The following ADCY9 variants were observed in gnomAD, a reference collection of about 807,000 sequenced individuals.
ADCY9 encodes the protein adenylate cyclase 9, also known as adenylate cyclase type 9.
A neutral mutation model predicts 101.5 loss-of-function variants in ADCY9; 50 were observed. The observed-to-expected ratio is 0.49, with a 90% CI of 0.39 to 0.62. The LOEUF is 0.62. Among genes scored for constraint, ADCY9 ranks in the 20% least tolerant of loss-of-function variants. ADCY9 has a pLI of 0.00. For missense variants in ADCY9, 1,662 were observed against 1,800.4 expected, an observed-to-expected ratio of 0.92 and a Z score of 1.39; for synonymous variants, 905 against 769.3, an observed-to-expected ratio of 1.18 and a Z score of -2.92.
At chr16:4,050,850 G>C (rs573973709) in intron 2 of ADCY9, among the ~76,000 whole-genome samples, 3 of 152,120 alleles carry the variant, frequency 2.0e-5, no homozygotes, top group Non-Finnish European at 4.4e-5. Context: ...AAAGGAACCA[G>C]GGCTTATTGG....
At chr16:3,954,615 G>A (rs553857243) in intron 5 of ADCY9, among the ~76,000 whole-genome samples, 1 of 152,322 alleles carries the variant, frequency 6.6e-6, no homozygotes, top group South Asian at 2.1e-4. Context: ...CGGAACACGA[G>A]GTTCACCAAG....
intron 2 of ADCY9, among the ~76,000 whole-genome samples, chr16:4,086,401 A>C (rs893571363): frequency 1.3e-5 from 2 of 152,052 alleles, no homozygotes; most frequent in Admixed American, 6.6e-5. Context: ...TGTCAGCCAC[A>C]CATCACCCAG....
At position 4,116,132 on chromosome 16, in the gene ADCY9, C is replaced by G. The variant is rs981000001; in HGVS notation, c.-486G>C. On this transcript the variant is annotated 5_prime_UTR_variant, in exon 1 of 11. Coordinates refer to ENST00000294016, the MANE Select transcript of ADCY9 (RefSeq NM_001116.4). ...GTGCGCGGAGCCCGTCGGCGCGGCCCGTCTAGTGGGGCCTGCTTCCCCCCG... is the reference window on the plus strand; with the variant it reads ...GTGCGCGGAGCCCGTCGGCGCGGCCGGTCTAGTGGGGCCTGCTTCCCCCCG... The G allele has an allele frequency of 1.4e-5, 2 of 146,072 alleles. No homozygotes were observed. The highest frequency in any genetic ancestry group is 2.1e-4 in the South Asian group (1 of 4,812). 9.0% of individuals were successfully genotyped at this position (146,072 alleles called of 1,614,324 possible).
At chr16:4,097,553 A>ATATATTTTTT (rs1382458827) in intron 2 of ADCY9, among the ~76,000 whole-genome samples, 664 of 53,380 alleles carry the variant, frequency 0.012, 15 homozygotes, top group Non-Finnish European at 0.015. Context: ...ATATATATAT[A>ATATATTTTTT]TTTTTTTTTT....
chr16:3,992,263 T>C lies in ADCY9; in HGVS notation c.2090A>G (p.Gln697Arg), dbSNP rs1347782959. The C allele has an allele frequency of 6.2e-7, 1 of 1,614,048 alleles. No homozygotes were observed. The highest frequency in any genetic ancestry group is 1.3e-5 in the African/African-American group (1 of 74,904). ...NSQTSLCEIL[Q>R]EKGRWAGVSL... ...CACCCCTGCCCACCTTCCCTTCTCC[T>C]GCAAGATCTCACACAGAGAAGTCTG... Residue 697 changes from glutamine (Q) to arginine (R), a missense_variant, in exon 5 of 11, where the codon CAG (glutamine) becomes CGG (arginine). By Grantham distance (43) the Gln-to-Arg change is conservative. Transcript: ENST00000294016. This position sits in a 1 kb window ranked among gnomAD's most constrained non-coding sequence, Gnocchi z 4.2.
intron 2 of ADCY9, among the ~76,000 whole-genome samples, chr16:4,035,182 C>T (rs1191728071): frequency 6.6e-6 from 1 of 152,186 alleles, no homozygotes; most frequent in Non-Finnish European, 1.5e-5. Context: ...TTTGGGTTGA[C>T]TATTTTGGTA....
intron 2 of ADCY9, among the ~76,000 whole-genome samples, chr16:4,104,550 T>C (rs12448223): frequency 0.45 from 67,764 of 151,886 alleles, 16,530 homozygotes; most frequent in East Asian, 0.83. Flanking sequence ...AGGTCAAGGC[T>C]GGAGTGAGCT....
At chr16:4,030,736 C>T (rs766386596) in intron 2 of ADCY9, among the ~76,000 whole-genome samples, 4 of 151,932 alleles carry the variant, frequency 2.6e-5, no homozygotes, top group Non-Finnish European at 5.9e-5. Context: ...CTGCAGGTTC[C>T]ATTTGTACGA....
Position 3,963,577 on chromosome 16 carries a change from C to T in ADCY9, c.*2198G>A, listed in dbSNP as rs942648002. 8 of 371,306 alleles carry T rather than the reference C, an allele frequency of 2.2e-5. No homozygotes were observed. Among genetic ancestry groups the T allele is most frequent in the Middle Eastern group, 1.4e-3 (2 of 1,468 alleles). The allele number at this position is 371,306 out of a possible 1,614,324, so 23.0% of individuals were successfully genotyped here. The stretch of plus-strand genomic sequence containing the variant: ...TCCACTTTGCAGCTCCTTGGTTTCC[C>T]GGGGTGAGGAATCACAAACACCTTT... On this transcript the variant is annotated 3_prime_UTR_variant, in exon 11 of 11. Coordinates refer to ENST00000294016, the MANE Select transcript of ADCY9 (RefSeq NM_001116.4).
Position 3,966,379 on chromosome 16 carries a change from T to G in ADCY9, c.3458A>C (p.Asn1153Thr). The change falls in exon 11 of 11, where the codon AAC becomes ACC. Residue 1153 changes from asparagine (N) to threonine (T), a missense_variant. Transcript: ENST00000294016. ...GAAGTTGAACCACAGCATGTTGTTG[T>G]TGAAGTCGTCCACCACGCGCATCAT... is the stretch of plus-strand genomic sequence containing the variant. ...KEMMRVVDDF[N>T]NNMLWFNFKL... The G allele has an allele frequency of 1.2e-6, 2 of 1,614,116 alleles. No homozygotes were observed. Among genetic ancestry groups the G allele is most frequent in the Non-Finnish European group, 1.7e-6 (2 of 1,180,036 alleles).
intron 2 of ADCY9, among the ~76,000 whole-genome samples, chr16:4,091,239 G>C (rs1194529138): frequency 6.6e-6 from 1 of 152,002 alleles, no homozygotes; most frequent in African/African-American, 2.4e-5. Context: ...ATGCGCAGCT[G>C]ATTTTTCTAT....
chr16:4,053,502 G>A (rs1052358949), intron 2 of ADCY9, among the ~76,000 whole-genome samples: 5 of 152,156 alleles, frequency 3.3e-5, no homozygotes, highest in Non-Finnish European at 5.9e-5. Context: ...GTGCGAGCCC[G>A]CCGTCTATTT....
chr16:3,986,519 A>G (rs1331967930), intron 6 of ADCY9, among the ~76,000 whole-genome samples: 1 of 151,972 alleles, frequency 6.6e-6, no homozygotes, highest in Non-Finnish European at 1.5e-5. Flanking sequence ...GTGCAACGGC[A>G]TGGTCTCGGC....
chr16:3,983,078 A>C, intron 7 of ADCY9, 154 bp downstream of exon 7: 1 of 726,096 alleles, frequency 1.4e-6, no homozygotes, highest in Non-Finnish European at 2.2e-6. Context: ...ATGCTGGGGC[A>C]CAGGGCTCGG....
intron 6 of ADCY9, among the ~76,000 whole-genome samples, chr16:3,987,302 G>C (rs72762729): frequency 0.047 from 7,213 of 152,314 alleles, 246 homozygotes; most frequent in Admixed American, 0.084. Context: ...AACAGTCCCT[G>C]GCAGAGCAGA....
intron 2 of ADCY9, among the ~76,000 whole-genome samples, chr16:4,054,421 G>A (rs1003241725): frequency 2.0e-5 from 3 of 152,008 alleles, no homozygotes; most frequent in Admixed American, 1.3e-4. Flanking sequence ...GACTTCGCAG[G>A]GCTCGGTTCT....
At chr16:3,990,635 G>T (rs1454853930) in intron 5 of ADCY9, among the ~76,000 whole-genome samples, 2 of 152,270 alleles carry the variant, frequency 1.3e-5, no homozygotes, top group South Asian at 2.1e-4. Flanking sequence ...ACTCAGAAGA[G>T]AAATAATTCT....
At chr16:4,095,976 C>CAAAAAAAAAAAA (rs56897380) in intron 2 of ADCY9, among the ~76,000 whole-genome samples, 1 of 115,484 alleles carries the variant, frequency 8.7e-6, no homozygotes, top group Non-Finnish European at 1.7e-5. Flanking sequence ...GACTCTATCT[C>CAAAAAAAAAAAA]AAAAAAAAAA....
intron 5 of ADCY9, among the ~76,000 whole-genome samples, chr16:3,991,389 T>C (rs982473231): frequency 2.6e-5 from 4 of 152,100 alleles, no homozygotes; most frequent in Non-Finnish European, 5.9e-5. Flanking sequence ...AGTCTCTGCC[T>C]GGCCAGAGGG....
Sources: gnomAD v4.1 joint callset for allele counts (sites outside exome capture counted in the v4.1 genomes callset) on GRCh38, gnomAD v4.1.1 for gene constraint, Gnocchi (gnomAD v3.1) non-coding constraint, MANE v1.5 for transcripts, NCBI Gene and HGNC (gene_info 2026-07-23, HGNC 2026-07-21) for gene names.